Variants in THAP3 observed in about 807,000 individuals in gnomAD.
The protein encoded by THAP3 is THAP domain containing 3.
A neutral mutation model predicts 17.7 loss-of-function variants in THAP3; 12 were observed. The ratio of observed to expected loss-of-function variants is 0.68; its 90% CI spans 0.43 to 1.10. The LOEUF (loss-of-function observed/expected upper bound fraction) is 1.10. Among genes scored for constraint, THAP3 ranks in the 50% least tolerant of loss-of-function variants. The pLI is 0.00. For missense variants in THAP3, 289 were observed against 318.0 expected, an observed-to-expected ratio of 0.91 and a Z score of 0.69; for synonymous variants, 133 against 126.9, an observed-to-expected ratio of 1.05 and a Z score of -0.32.
rs1641415538 is a variant in THAP3, at chr1:6,624,868, C to T, written c.-156C>T. The T allele has an allele frequency of 6.1e-6, 2 of 327,054 alleles. No homozygotes were observed. Among genetic ancestry groups the T allele is most frequent in the Non-Finnish European group, 1.1e-5 (2 of 175,212 alleles). 20.3% of individuals were successfully genotyped at this position (327,054 alleles called of 1,614,324 possible). A position where few individuals can be genotyped will look rare whatever the true frequency, so the allele number is the denominator to read the frequency against. ...ACACTGAGGGGTTGGCCGTTGGTTT[C>T]CAGTTGTCCAAGCCTGTGAGTGGCT... is the stretch of plus-strand genomic sequence containing the variant. On this transcript the variant is annotated 5_prime_UTR_variant, in exon 1 of 6. Transcript: ENST00000054650.
At chr1:6,635,589 T>G, downstream of THAP3, 2 of 1,376,146 alleles carry the variant, frequency 1.5e-6, no homozygotes. Context: ...TAAAAACATC[T>G]GATGTCTGGG....
chr1:6,630,966 C>T (rs186221144), intron 4 of THAP3, among the ~76,000 whole-genome samples: 1 of 152,006 alleles, frequency 6.6e-6, no homozygotes, highest in Admixed American at 6.6e-5. Context: ...ACCTCAGTCT[C>T]CCAAAGTGCT....
At chr1:6,632,603 G>C in intron 5 of THAP3, 108 bp downstream of exon 5, 1 of 1,527,118 alleles carries the variant, frequency 6.5e-7, no homozygotes, top group East Asian at 2.3e-5. Flanking sequence ...CCGAGGCAGG[G>C]TGTGCAGCCT....
At chr1:6,628,037 A>C (rs551495695) in intron 2 of THAP3, 1 of 161,964 alleles carries the variant, frequency 6.2e-6, no homozygotes, top group African/African-American at 2.4e-5. Flanking sequence ...TCTGTGCTCA[A>C]ACATCACCCC....
In THAP3 at chr1:6,625,186, A is replaced by G. The variant is rs1019991387; in HGVS notation, c.-33A>G. ...CTCCGCAGGCCCCGCCGCCGCCGCC[A>G]TCTTTGTTGGGGGCAGCCAGGCCTG... On this transcript the variant is annotated 5_prime_UTR_variant, in exon 2 of 6. Coordinates refer to ENST00000054650, the MANE Select transcript of THAP3 (RefSeq NM_001195753.2). The G allele has an allele frequency of 6.7e-5, 95 of 1,415,164 alleles. No homozygotes were observed. Among genetic ancestry groups the G allele is most frequent in the Non-Finnish European group, 8.7e-5 (93 of 1,065,428 alleles). The allele number at this position is 1,415,164 out of a possible 1,614,324, so 87.7% of individuals were successfully genotyped here.
chr1:6,628,090 G>C (rs1641511640), intron 2 of THAP3: 1 of 169,000 alleles, frequency 5.9e-6, no homozygotes, highest in Non-Finnish European at 1.3e-5. Context: ...CCCTCTGTCT[G>C]TTCTCTGGAG....
chr1:6,628,280 G>C (rs1386763562), intron 2 of THAP3: 3 of 508,564 alleles, frequency 5.9e-6, no homozygotes, highest in Non-Finnish European at 1.0e-5. Flanking sequence ...AGCTCACTTG[G>C]GCTCTCTGGC....
downstream of THAP3, chr1:6,634,660 C>A (rs750891314): frequency 2.5e-5 from 34 of 1,366,352 alleles, no homozygotes; most frequent in Non-Finnish European, 3.2e-5. Context: ...GGGGTCCTAG[C>A]TCCGCTGCAT....
At chr1:6,633,928 T>A, downstream of THAP3, 2 of 1,184,008 alleles carry the variant, frequency 1.7e-6, no homozygotes, top group Non-Finnish European at 2.4e-6. Context: ...AAAAAAAAAC[T>A]GACTTCCTAT....
intron 2 of THAP3, chr1:6,628,279 G>A: frequency 2.0e-6 from 1 of 508,416 alleles, no homozygotes; most frequent in East Asian, 3.5e-5. Flanking sequence ...CAGCTCACTT[G>A]GGCTCTCTGG....
At position 6,633,196 on chromosome 1, in the gene THAP3, C is replaced by T. The variant is rs2148722773; in HGVS notation, c.*119C>T. On this transcript the variant is annotated 3_prime_UTR_variant, in exon 6 of 6. Transcript: ENST00000054650. The stretch of plus-strand genomic sequence containing the variant: ...CTGAGAAAGTTGGCCATGAGGCCTG[C>T]TTGGCCGGGGATCGAGACAGTAGCC... The T allele has an allele frequency of 6.8e-7, 1 of 1,464,120 alleles. No individual in the cohort carries two copies. Among genetic ancestry groups the T allele is most frequent in the South Asian group, 1.4e-5 (1 of 69,320 alleles). The allele number at this position is 1,464,120 out of a possible 1,614,324, so 90.7% of individuals were successfully genotyped here.
At chr1:6,634,805 G>A, downstream of THAP3, 1 of 1,285,848 alleles carries the variant, frequency 7.8e-7, no homozygotes, top group South Asian at 1.3e-5. Flanking sequence ...CCACGGGCCG[G>A]GCCTGGGGTC....
Position 6,633,256 on chromosome 1 carries a change from G to T in THAP3, c.*179G>T. 1 of 1,438,654 alleles carries T rather than the reference G, an allele frequency of 7.0e-7. No individual in the cohort carries two copies. Among genetic ancestry groups the T allele is most frequent in the Non-Finnish European group, 9.1e-7 (1 of 1,103,374 alleles). The allele number at this position is 1,438,654 out of a possible 1,614,324, so 89.1% of individuals were successfully genotyped here. On this transcript the variant is annotated 3_prime_UTR_variant, in exon 6 of 6. Transcript: ENST00000054650. ...GGCGAGAGCCCCAATGCCGTCTGGGGGACGTTTAGAGGCGTGGCACTAGGA... is the reference window on the plus strand; with the variant it reads ...GGCGAGAGCCCCAATGCCGTCTGGGTGACGTTTAGAGGCGTGGCACTAGGA...
rs533422868 is a variant in THAP3, at chr1:6,631,841, C to T, written c.334-550C>T. On this transcript the variant is annotated intron_variant, in intron 4 of 5. Transcript: ENST00000054650. The stretch of plus-strand genomic sequence containing the variant: ...GGCGGAGGTTGCAGTGAGCTGAGAT[C>T]GCACCACTTCACTCCAGCCTGGGTG... Among the ~76,000 whole-genome samples the T allele has an allele frequency of 9.9e-5, 15 of 151,048 alleles. 1 individual carries two copies. The highest frequency in any genetic ancestry group is 4.2e-4 in the South Asian group (2 of 4,764).
chr1:6,635,068 G>A (rs1047100207), downstream of THAP3: 27 of 232,266 alleles, frequency 1.2e-4, 1 homozygote, highest in Admixed American at 1.2e-3. Flanking sequence ...AATGACTTGA[G>A]CAGCTCTGGG....
At chr1:6,634,788 C>T (rs1426898001), downstream of THAP3, 4 of 1,309,468 alleles carry the variant, frequency 3.1e-6, no homozygotes. Context: ...GTGCCACCTG[C>T]TGGGTACCAC....
intron 4 of THAP3, among the ~76,000 whole-genome samples, chr1:6,630,798 C>T (rs1641589468): frequency 6.6e-6 from 1 of 152,072 alleles, no homozygotes; most frequent in Non-Finnish European, 1.5e-5. Flanking sequence ...TCTCGAACTC[C>T]TGACCTCAGG....
At chr1:6,629,246 CA>C (rs1641544469) in intron 3 of THAP3, among the ~76,000 whole-genome samples, 1 of 152,206 alleles carries the variant, frequency 6.6e-6, no homozygotes, top group Admixed American at 6.5e-5. Context: ...TGATAGGCCA[CA>C]GGGGCACCCA....
chr1:6,625,122 C>T (rs552058746), intron 1 of THAP3, 28 bp from the exon 2 acceptor site: 14 of 1,366,988 alleles, frequency 1.0e-5, no homozygotes, highest in East Asian at 5.7e-5. Context: ...CCGTCACCAC[C>T]TCCCAGCGGC....
Sources: gnomAD v4.1 joint callset for allele counts (sites outside exome capture counted in the v4.1 genomes callset) on GRCh38, gnomAD v4.1.1 for gene constraint, MANE v1.5 for transcripts, NCBI Gene and HGNC (gene_info 2026-07-23, HGNC 2026-07-21) for gene names.